RIN3: variants seen among roughly 807,000 people sequenced by gnomAD.
RIN3 encodes RAB5 interacting protein 3.
RIN3 carries 54 observed loss-of-function variants against 76.3 expected under a neutral mutation model. That is an observed-to-expected ratio of 0.71 (90% CI 0.57 to 0.89). The LOEUF is 0.89. RIN3 is among the 40% of genes least tolerant of loss of function. The pLI is 0.00. For synonymous variants in RIN3, 576 were observed against 564.0 expected (o/e 1.02, Z -0.30); for missense variants, 1,256 against 1,322.1 (o/e 0.95, Z 0.78).
intron 9 of RIN3, 188 bp from the exon 10 acceptor site, chr14:92,687,738 A>C: frequency 1.8e-6 from 1 of 550,916 alleles, no homozygotes; most frequent in Non-Finnish European, 3.1e-6. Context: ...CCCAGCTGGG[A>C]AGCCAGGCAG....
At chr14:92,653,743 C>T (rs758485319) in intron 6 of RIN3, among the ~76,000 whole-genome samples, 3 of 152,224 alleles carry the variant, frequency 2.0e-5, no homozygotes, top group Non-Finnish European at 4.4e-5. Flanking sequence ...TCAGGCCAGG[C>T]GCACTGGCTC....
At chr14:92,531,064 T>G (rs973441195) in intron 1 of RIN3, among the ~76,000 whole-genome samples, 3 of 152,100 alleles carry the variant, frequency 2.0e-5, no homozygotes, top group African/African-American at 7.2e-5. Flanking sequence ...GCATCTTACC[T>G]CCTCATTTTC....
At chr14:92,617,477 A>C (rs1217447448) in intron 4 of RIN3, among the ~76,000 whole-genome samples, 1 of 152,104 alleles carries the variant, frequency 6.6e-6, no homozygotes, top group Non-Finnish European at 1.5e-5. Flanking sequence ...CGGTGTCCTC[A>C]TGGTCACATA....
intron 3 of RIN3, among the ~76,000 whole-genome samples, chr14:92,595,379 C>T (rs1013354431): frequency 6.6e-6 from 1 of 152,256 alleles, no homozygotes; most frequent in East Asian, 1.9e-4. Context: ...ATTGTTCTCA[C>T]AGCATTCTGT....
intron 1 of RIN3, chr14:92,515,380 G>A (rs1287548042): frequency 5.1e-6 from 3 of 586,648 alleles, no homozygotes; most frequent in Admixed American, 3.1e-5. Flanking sequence ...TGGCCTCACC[G>A]GCTTCTCATT....
intron 7 of RIN3, among the ~76,000 whole-genome samples, chr14:92,674,968 A>G (rs1009118648): frequency 1.3e-5 from 2 of 152,018 alleles, no homozygotes; most frequent in Non-Finnish European, 2.9e-5. Flanking sequence ...ACCTGACACA[A>G]TGGTAGGACC....
chr14:92,585,299 A>G (rs1285573790), intron 3 of RIN3, among the ~76,000 whole-genome samples: 1 of 152,162 alleles, frequency 6.6e-6, no homozygotes, highest in Non-Finnish European at 1.5e-5. Context: ...TTCTAGGATA[A>G]TGGGTCAGCT....
rs35072092 is a variant in RIN3 at position 92,582,442 on chromosome 14, C to CTTTT, written c.367+4981_367+4984dup. ...TGTGGTTTTGCTGTTTCCTTTTTTACTTTTTTTTTTTTTTTTTTTCCCTGA... is the reference window on the plus strand; with the variant it reads ...TGTGGTTTTGCTGTTTCCTTTTTTACTTTTTTTTTTTTTTTTTTTTTTTCCCTGA... On this transcript the variant is annotated intron_variant, in intron 3 of 9. Coordinates refer to ENST00000216487, the MANE Select transcript of RIN3 (RefSeq NM_024832.5). 2.3e-4 allele frequency among the ~76,000 whole-genome samples: 27 copies of CTTTT among 117,542 alleles called. 1 individual carries two copies. Among genetic ancestry groups the CTTTT allele is most frequent in the Non-Finnish European group, 3.0e-4 (18 of 59,610 alleles). The allele number at this position is 117,542 out of a possible 152,430, so 77.1% of individuals were successfully genotyped here.
intron 7 of RIN3, among the ~76,000 whole-genome samples, chr14:92,672,886 C>A (rs545805309): frequency 2.6e-5 from 4 of 152,208 alleles, no homozygotes; most frequent in East Asian, 3.9e-4. Context: ...TTTGCTTATT[C>A]TGGACGTTGC....
At chr14:92,653,777 G>C (rs1392363903) in intron 6 of RIN3, among the ~76,000 whole-genome samples, 1 of 152,214 alleles carries the variant, frequency 6.6e-6, no homozygotes, top group Non-Finnish European at 1.5e-5. Flanking sequence ...CAGCACTCTG[G>C]GAGGCCAAGG....
At chr14:92,665,662 T>C (rs1444953249) in intron 7 of RIN3, among the ~76,000 whole-genome samples, 1 of 152,174 alleles carries the variant, frequency 6.6e-6, no homozygotes, top group Non-Finnish European at 1.5e-5. Context: ...ATTACAAGCG[T>C]GAGCCACCGC....
At chr14:92,537,178 A>G (rs1035287075) in intron 1 of RIN3, among the ~76,000 whole-genome samples, 1 of 152,172 alleles carries the variant, frequency 6.6e-6, no homozygotes, top group African/African-American at 2.4e-5. Context: ...AGTACAGTAT[A>G]CATACTGGTT....
intron 1 of RIN3, chr14:92,515,052 G>A: frequency 1.8e-6 from 1 of 562,634 alleles, no homozygotes; most frequent in Non-Finnish European, 3.2e-6. Context: ...CCTGAACTGG[G>A]GGACAGCTGG....
Position 92,681,337 on chromosome 14 carries a change from C to CG in RIN3, c.2468-3650_2468-3649insG, listed in dbSNP as rs34294621. 0.73 allele frequency among the ~76,000 whole-genome samples: 110,996 copies of CG among 152,052 alleles called. 40,639 individuals carry two copies. Among genetic ancestry groups the CG allele is most frequent in the East Asian group, 0.8 (4,125 of 5,168 alleles). Reference sequence around the variant, plus strand: ...CTCACGAAGAAGTCAGACTCCAGCACCAAGAGTGCAGCAGTAGGGCGTGGC... The same window carrying CG: ...CTCACGAAGAAGTCAGACTCCAGCACGCAAGAGTGCAGCAGTAGGGCGTGGC... On this transcript the variant is annotated intron_variant, in intron 8 of 9. Coordinates refer to ENST00000216487, the MANE Select transcript of RIN3 (RefSeq NM_024832.5). The surrounding 1 kb of genome is among the most constrained non-coding windows in gnomAD (Gnocchi z 4.7).
chr14:92,592,826 C>G (rs1566858392), intron 3 of RIN3, among the ~76,000 whole-genome samples: 1 of 151,914 alleles, frequency 6.6e-6, no homozygotes. Context: ...CAAGGCTGCA[C>G]CACCATGCCC....
At chr14:92,610,603 G>A (rs979693723) in intron 3 of RIN3, among the ~76,000 whole-genome samples, 1 of 152,228 alleles carries the variant, frequency 6.6e-6, no homozygotes, top group Non-Finnish European at 1.5e-5. Context: ...CACCCTGTGT[G>A]TGGCTTTCTG....
At chr14:92,626,928 C>A (rs1174499565) in intron 4 of RIN3, among the ~76,000 whole-genome samples, 3 of 152,186 alleles carry the variant, frequency 2.0e-5, no homozygotes, top group African/African-American at 7.2e-5. Flanking sequence ...CATTCACATA[C>A]TGAGTTAAAA....
At position 92,524,657 on chromosome 14, in the gene RIN3, A is replaced by G. The variant is rs368861139; in HGVS notation, c.44+10681A>G. Reference sequence around the variant, plus strand: ...GTGAGGGTCTTGTTTCCACTGGGCAAGGCTTCCCCAGCCCTAGCTCTGCAG... The same window carrying G: ...GTGAGGGTCTTGTTTCCACTGGGCAGGGCTTCCCCAGCCCTAGCTCTGCAG... On this transcript the variant is annotated intron_variant, in intron 1 of 9. Transcript: ENST00000216487. 9.2e-5 allele frequency among the ~76,000 whole-genome samples: 14 copies of G among 152,310 alleles called. No homozygotes were observed. In the East Asian group the frequency reaches 1.4e-3, roughly 15 times the overall value.
intron 4 of RIN3, among the ~76,000 whole-genome samples, chr14:92,621,903 T>G (rs768085408): frequency 1.3e-5 from 2 of 152,200 alleles, no homozygotes; most frequent in Non-Finnish European, 2.9e-5. Flanking sequence ...TGGTTTTACT[T>G]TACCCCAATA....
Sources: gnomAD v4.1 joint callset for allele counts (sites outside exome capture counted in the v4.1 genomes callset) on GRCh38, gnomAD v4.1.1 for gene constraint, Gnocchi (gnomAD v3.1) non-coding constraint, MANE v1.5 for transcripts, NCBI Gene and HGNC (gene_info 2026-07-23, HGNC 2026-07-21) for gene names.